The following MCTP1 variants were observed in gnomAD, a reference collection of about 807,000 sequenced individuals.
MCTP1 encodes multiple C2 and transmembrane domain-containing protein 1.
Under a neutral mutation model 120.6 loss-of-function variants are expected in MCTP1, and 69 were observed. The ratio of observed to expected loss-of-function variants is 0.57; its 90% CI spans 0.47 to 0.70. MCTP1 has a LOEUF of 0.70. Among genes scored for constraint, MCTP1 ranks in the 30% least tolerant of loss-of-function variants. The pLI is 0.00. For missense variants in MCTP1, 1,203 were observed against 1,248.8 expected, an observed-to-expected ratio of 0.96 and a Z score of 0.55; for synonymous variants, 529 against 493.1, an observed-to-expected ratio of 1.07 and a Z score of -0.96.
At chr5:94,960,121 C>T (rs1408712264) in intron 2 of MCTP1, among the ~76,000 whole-genome samples, 2 of 152,132 alleles carry the variant, frequency 1.3e-5, no homozygotes, top group African/African-American at 4.8e-5. Flanking sequence ...CACCACACAT[C>T]TACAACCATC....
At chr5:94,904,260 A>C (rs944447683) in intron 10 of MCTP1, among the ~76,000 whole-genome samples, 1 of 152,190 alleles carries the variant, frequency 6.6e-6, no homozygotes, top group Non-Finnish European at 1.5e-5. Flanking sequence ...CATGGACTTT[A>C]GATTGATCTG....
intron 18 of MCTP1, among the ~76,000 whole-genome samples, chr5:94,787,622 G>GTTTTTT (rs11432604): frequency 2.1e-5 from 3 of 141,410 alleles, no homozygotes; most frequent in African/African-American, 7.8e-5. Context: ...GTTTTTTTTT[G>GTTTTTT]TTTTTTTTTT....
rs977544423 is a variant in MCTP1, at chr5:94,704,765, T to G, written c.*2731A>C. 1 of 150,730 alleles carries G rather than the reference T, an allele frequency of 6.6e-6. No homozygotes were observed. Among genetic ancestry groups the G allele is most frequent in the Non-Finnish European group, 1.5e-5 (1 of 67,356 alleles). 9.3% of individuals were successfully genotyped at this position (150,730 alleles called of 1,614,324 possible). On this transcript the variant is annotated 3_prime_UTR_variant, in exon 23 of 23. Transcript: ENST00000515393. ...AATCTCCCAACTCAGATTATCCTAG[T>G]GCATATAGAATGTTCAAAAACTGAT...
At chr5:95,031,042 CA>C (rs1321195425) in intron 1 of MCTP1, among the ~76,000 whole-genome samples, 10 of 151,424 alleles carry the variant, frequency 6.6e-5, no homozygotes, top group Non-Finnish European at 1.3e-4. Context: ...GAATGAATTT[CA>C]GAGTTTGAAG....
chr5:95,161,810 C>T (rs919011661), intron 1 of MCTP1, among the ~76,000 whole-genome samples: 2 of 152,056 alleles, frequency 1.3e-5, no homozygotes, highest in East Asian at 1.9e-4. Context: ...CAAAAGAAGT[C>T]GGGATTTGAA....
intron 1 of MCTP1, among the ~76,000 whole-genome samples, chr5:95,217,795 C>T (rs1753209142): frequency 6.6e-6 from 1 of 152,106 alleles, no homozygotes; most frequent in Non-Finnish European, 1.5e-5. Flanking sequence ...TTCTACCAGG[C>T]AATGTTAAGA....
At chr5:94,821,752 C>T (rs1785706063) in intron 17 of MCTP1, among the ~76,000 whole-genome samples, 1 of 152,104 alleles carries the variant, frequency 6.6e-6, no homozygotes, top group African/African-American at 2.4e-5. Flanking sequence ...CTGCAATTGG[C>T]CCTGAGGAAA....
At chr5:95,101,243 C>T (rs1756708798) in intron 1 of MCTP1, among the ~76,000 whole-genome samples, 2 of 152,062 alleles carry the variant, frequency 1.3e-5, no homozygotes, top group African/African-American at 4.8e-5. Context: ...AAAATATAAA[C>T]AAAAGATTCC....
At chr5:94,763,282 T>C (rs759927617) in intron 19 of MCTP1, among the ~76,000 whole-genome samples, 2 of 152,208 alleles carry the variant, frequency 1.3e-5, no homozygotes, top group Non-Finnish European at 2.9e-5. Context: ...TGTCTATGAT[T>C]CCTCATTACT....
Position 95,214,172 on chromosome 5 carries a change from AAAAC to A in MCTP1, c.720+69680_720+69683del, listed in dbSNP as rs1752756598. 2.0e-5 allele frequency among the ~76,000 whole-genome samples: 3 copies of A among 152,416 alleles called. No homozygotes were observed. The South Asian group carries it at 6.2e-4, about 32-fold the overall frequency. ...AGAACTCAAACAAATTTACAAGAAA[AAAAC>A]AAACAACCCCATCTACAAGTAGGTG... On this transcript the variant is annotated intron_variant, in intron 1 of 22. Transcript: ENST00000515393.
At chr5:95,007,347 G>A (rs1217113083) in intron 2 of MCTP1, among the ~76,000 whole-genome samples, 4 of 152,230 alleles carry the variant, frequency 2.6e-5, no homozygotes, top group Admixed American at 1.3e-4. Context: ...GATTGAAAAC[G>A]AAGAGGAACC....
At chr5:95,263,824 A>T (rs1758671096) in intron 1 of MCTP1, among the ~76,000 whole-genome samples, 1 of 152,192 alleles carries the variant, frequency 6.6e-6, no homozygotes, top group African/African-American at 2.4e-5. Flanking sequence ...TAGAGAGGTT[A>T]AGACTTACTC....
At chr5:94,996,262 A>T (rs528203696) in intron 2 of MCTP1, among the ~76,000 whole-genome samples, 1 of 152,236 alleles carries the variant, frequency 6.6e-6, no homozygotes. Context: ...AGTTATCCTC[A>T]TTACACTAAA....
intron 1 of MCTP1, among the ~76,000 whole-genome samples, chr5:95,230,749 G>A (rs1054721313): frequency 6.6e-6 from 1 of 152,162 alleles, no homozygotes; most frequent in African/African-American, 2.4e-5. Context: ...ATATCCACAA[G>A]AAATACATTT....
chr5:94,998,628 TACAA>T (rs1409048443), intron 2 of MCTP1, among the ~76,000 whole-genome samples: 1 of 152,164 alleles, frequency 6.6e-6, no homozygotes, highest in East Asian at 1.9e-4. Flanking sequence ...AGACTGGCCT[TACAA>T]ACATTCTTTG....
intron 2 of MCTP1, among the ~76,000 whole-genome samples, chr5:95,014,145 T>C (rs996432938): frequency 5.6e-4 from 85 of 152,166 alleles, no homozygotes; most frequent in African/African-American, 1.9e-3. Flanking sequence ...AAACTTGTAG[T>C]CCTAGCTACT....
intron 17 of MCTP1, among the ~76,000 whole-genome samples, chr5:94,844,378 G>A (rs1210978244): frequency 1.3e-5 from 2 of 150,896 alleles, no homozygotes; most frequent in African/African-American, 2.4e-5. Context: ...TTATTTCAGT[G>A]ATGGGAACTG....
intron 19 of MCTP1, among the ~76,000 whole-genome samples, chr5:94,729,480 G>A (rs538289346): frequency 6.6e-6 from 1 of 152,320 alleles, no homozygotes; most frequent in East Asian, 1.9e-4. Context: ...AGGGGGTTGA[G>A]GGAGAATGAG....
At chr5:94,962,316 G>A (rs1474711409) in intron 2 of MCTP1, among the ~76,000 whole-genome samples, 1 of 151,966 alleles carries the variant, frequency 6.6e-6, no homozygotes, top group African/African-American at 2.4e-5. Flanking sequence ...AGGAAAAGAT[G>A]TCATTATACA....
Sources: allele counts gnomAD v4.1 joint callset (sites outside exome capture counted in the v4.1 genomes callset), GRCh38; gene constraint gnomAD v4.1.1; transcripts MANE v1.5; gene names NCBI Gene and HGNC (gene_info 2026-07-23, HGNC 2026-07-21).